The following PTPN22 variants were observed in gnomAD, a reference collection of about 807,000 sequenced individuals.
PTPN22 encodes tyrosine-protein phosphatase non-receptor type 22.
PTPN22 carries 85 observed loss-of-function variants against 103.3 expected under a neutral mutation model. That is an observed-to-expected ratio of 0.82 (90% CI 0.69 to 0.99). PTPN22 has a LOEUF of 0.99. Ranked by LOEUF, PTPN22 falls within the 50% of genes least tolerant of loss-of-function variation. The pLI, the probability that PTPN22 is intolerant of heterozygous loss-of-function variation, is 0.00. For synonymous variants in PTPN22, 323 were observed against 310.2 expected (o/e 1.04, Z -0.43); for missense variants, 865 against 936.9 (o/e 0.92, Z 1.00).
At chr1:113,832,996 A>G (rs1662679907) in intron 16 of PTPN22, 115 bp downstream of exon 16, 2 of 1,011,536 alleles carry the variant, frequency 2.0e-6, no homozygotes, top group Middle Eastern at 2.1e-4. Flanking sequence ...ATCAATGAAT[A>G]CTGGAAGCTA....
At chr1:113,862,864 G>C (rs189007577) in intron 1 of PTPN22, among the ~76,000 whole-genome samples, 2 of 152,282 alleles carry the variant, frequency 1.3e-5, no homozygotes, top group South Asian at 4.1e-4. Flanking sequence ...TCTAAATCCA[G>C]TAATCAGGAG....
intron 4 of PTPN22, 71 bp from the exon 5 acceptor site, chr1:113,857,847 C>A: frequency 7.3e-7 from 1 of 1,376,580 alleles, no homozygotes; most frequent in South Asian, 1.3e-5. Context: ...ACATGGATCC[C>A]AGACTCAGAA....
At chr1:113,837,629 T>C (rs1663132940) in exon 13 of PTPN22, 1 of 1,599,458 alleles carries the variant, frequency 6.3e-7, no homozygotes, top group East Asian at 2.2e-5. Context: ...GAGGAAATAT[T>C]GGTTGGAGAA....
Position 113,857,532 on chromosome 1 carries a change from A to G in PTPN22, c.408+206T>C, listed in dbSNP as rs1039741366. 7.9e-6 allele frequency: 4 copies of G among 504,172 alleles called. No homozygotes were observed. In the African/African-American group the frequency reaches 8.0e-5, roughly 10 times the overall value. The allele number at this position is 504,172 out of a possible 1,614,324, so 31.2% of individuals were successfully genotyped here. A position where few individuals can be genotyped will look rare whatever the true frequency, so the allele number is the denominator to read the frequency against. On this transcript the variant is annotated intron_variant, in intron 5 of 20. Transcript: ENST00000359785. ...CATACCTTGTTTTTAACTGTAAAAC[A>G]TAGGGTCTACTGAGAAAACAAACAA...
chr1:113,854,011 G>A (rs1227991843), intron 9 of PTPN22, among the ~76,000 whole-genome samples: 5 of 151,622 alleles, frequency 3.3e-5, no homozygotes, highest in Admixed American at 2.6e-4. Flanking sequence ...GACTACAGGC[G>A]TCCACCACCA....
chr1:113,839,013 A>T (rs1368928851), intron 11 of PTPN22, among the ~76,000 whole-genome samples: 1 of 151,998 alleles, frequency 6.6e-6, no homozygotes, highest in Non-Finnish European at 1.5e-5. Context: ...TTTCCTCCTC[A>T]CTATGCTCTA....
At chr1:113,825,907 G>C (rs905326731) in intron 18 of PTPN22, among the ~76,000 whole-genome samples, 2 of 152,034 alleles carry the variant, frequency 1.3e-5, no homozygotes, top group African/African-American at 4.8e-5. Context: ...TAGAGACAGG[G>C]TTTCACCATA....
rs1665207592 is a variant in PTPN22, at chr1:113,857,790, T to C, written c.370-14A>G. The stretch of plus-strand genomic sequence containing the variant: ...CATAACAATGATCTGGGGGATGAAA[T>C]AGATAGAAACTTAAACATTCATATA... On this transcript the variant is annotated splice_polypyrimidine_tract_variant and intron_variant, in intron 4 of 20. Coordinates refer to ENST00000359785, the Ensembl canonical transcript of PTPN22. 1 of 1,605,010 alleles carries C rather than the reference T, an allele frequency of 6.2e-7. No homozygotes were observed. The highest frequency in any genetic ancestry group is 8.5e-7 in the Non-Finnish European group (1 of 1,174,758).
At chr1:113,840,380 T>C (rs1306419016) in intron 11 of PTPN22, among the ~76,000 whole-genome samples, 1 of 152,176 alleles carries the variant, frequency 6.6e-6, no homozygotes, top group African/African-American at 2.4e-5. Flanking sequence ...GTTGCATTTC[T>C]ATACATTAGC....
intron 15 of PTPN22, 52 bp downstream of exon 15, chr1:113,834,257 G>A (rs1030361101): frequency 1.3e-6 from 2 of 1,556,060 alleles, no homozygotes; most frequent in Non-Finnish European, 1.8e-6. Flanking sequence ...ACAAGGAGTA[G>A]AACTGTAGTC....
intron 20 of PTPN22, among the ~76,000 whole-genome samples, chr1:113,816,540 T>C (rs1475834245): frequency 1.3e-5 from 2 of 152,022 alleles, no homozygotes; most frequent in African/African-American, 4.8e-5. Flanking sequence ...ATCCGAGCAC[T>C]TTTGGAGGTG....
At chr1:113,831,959 G>A (rs746882719) in intron 16 of PTPN22, among the ~76,000 whole-genome samples, 14 of 152,140 alleles carry the variant, frequency 9.2e-5, no homozygotes, top group Non-Finnish European at 1.2e-4. Flanking sequence ...AATTATAATC[G>A]ATAATATTTA....
chr1:113,831,412 A>C (rs948583588), intron 16 of PTPN22, among the ~76,000 whole-genome samples: 1 of 152,110 alleles, frequency 6.6e-6, no homozygotes, highest in Non-Finnish European at 1.5e-5. Flanking sequence ...TCTTTCCCCC[A>C]GCCCCTGGCA....
intron 18 of PTPN22, among the ~76,000 whole-genome samples, chr1:113,828,264 T>C (rs1440323445): frequency 1.3e-5 from 2 of 152,196 alleles, no homozygotes; most frequent in African/African-American, 2.4e-5. Context: ...TTTAGCTGAA[T>C]TTATCTATCT....
In PTPN22 at chr1:113,834,308, C is replaced by G. The variant is rs373383832; in HGVS notation, c.2025+1G>C. On this transcript the variant is annotated splice_donor_variant, in intron 15 of 20. Coordinates refer to ENST00000359785, the Ensembl canonical transcript of PTPN22. LOFTEE classifies it high-confidence loss of function. ...AGTAGAGTCATTAAAAAATTATTGA[C>G]CTTGCTTGGTCTAAGTATCACAGAG... 83 of 1,613,074 alleles carry G rather than the reference C, an allele frequency of 5.1e-5. No homozygotes were observed. The African/African-American group carries it at 1.1e-3, about 20-fold the overall frequency.
intron 14 of PTPN22, 124 bp from the exon 15 acceptor site, chr1:113,834,563 T>A: frequency 9.2e-7 from 1 of 1,082,366 alleles, no homozygotes; most frequent in Non-Finnish European, 1.4e-6. Context: ...AATTCACACT[T>A]CATTTTATTT....
chr1:113,826,842 T>G (rs1662120430), intron 18 of PTPN22, among the ~76,000 whole-genome samples: 1 of 150,950 alleles, frequency 6.6e-6, no homozygotes, highest in South Asian at 2.1e-4. Context: ...GCTAATTTTT[T>G]GTATTTTTAG....
At chr1:113,849,247 G>T (rs1259466372) in intron 10 of PTPN22, among the ~76,000 whole-genome samples, 1 of 151,998 alleles carries the variant, frequency 6.6e-6, no homozygotes, top group African/African-American at 2.4e-5. Context: ...TCCTAATAAA[G>T]ATACCAAAAA....
intron 1 of PTPN22, among the ~76,000 whole-genome samples, chr1:113,867,476 G>A (rs556511223): frequency 5.9e-5 from 9 of 152,130 alleles, no homozygotes; most frequent in Non-Finnish European, 4.4e-5. Context: ...TTTTCTTAAG[G>A]AGTAGTAAAT....
Sources: allele counts gnomAD v4.1 joint callset (sites outside exome capture counted in the v4.1 genomes callset), GRCh38; gene constraint gnomAD v4.1.1; transcripts MANE v1.5; gene names NCBI Gene and HGNC (gene_info 2026-07-23, HGNC 2026-07-21).